Variants in KAT2B observed in about 807,000 individuals in gnomAD.
KAT2B encodes lysine acetyltransferase 2B.
KAT2B carries 36 observed loss-of-function variants against 105.9 expected under a neutral mutation model. That is an observed-to-expected ratio of 0.34 (90% CI 0.26 to 0.45). The LOEUF is 0.45. KAT2B is among the 20% of genes least tolerant of loss of function. The pLI is 1.00. For synonymous variants in KAT2B, 397 were observed against 377.9 expected (o/e 1.05, Z -0.59); for missense variants, 820 against 1,021.6 (o/e 0.80, Z 2.69).
chr3:20,150,628 TCA>T (rs1226814980), intron 17 of KAT2B, among the ~76,000 whole-genome samples: 1 of 152,156 alleles, frequency 6.6e-6, no homozygotes. Context: ...TTAACCCACC[TCA>T]TTTTGTCAAT....
chr3:20,111,233 T>C (rs1699115378), intron 5 of KAT2B, among the ~76,000 whole-genome samples: 1 of 152,188 alleles, frequency 6.6e-6, no homozygotes, highest in Non-Finnish European at 1.5e-5. Flanking sequence ...GAAGTAGGTA[T>C]TATTGTTGTC....
intron 11 of KAT2B, among the ~76,000 whole-genome samples, chr3:20,134,884 T>C (rs1388837609): frequency 6.6e-6 from 1 of 152,234 alleles, no homozygotes; most frequent in Non-Finnish European, 1.5e-5. Flanking sequence ...TTTTTTTTAC[T>C]TAATATGTCT....
chr3:20,126,837 A>AAAC (rs1699413480), intron 10 of KAT2B, among the ~76,000 whole-genome samples: 1 of 151,500 alleles, frequency 6.6e-6, no homozygotes, highest in African/African-American at 2.4e-5. Context: ...AAAAAAAAAA[A>AAAC]AAACCCACGA....
chr3:20,095,131 A>C (rs759404912), intron 2 of KAT2B, 132 bp from the exon 3 acceptor site: 2 of 665,862 alleles, frequency 3.0e-6, no homozygotes, highest in African/African-American at 1.8e-5. Flanking sequence ...GGAGTTCAGA[A>C]ATTTTCTCTT....
At chr3:20,151,404 A>T (rs1327283335) in intron 17 of KAT2B, among the ~76,000 whole-genome samples, 7 of 151,572 alleles carry the variant, frequency 4.6e-5, no homozygotes, top group Non-Finnish European at 5.9e-5. Flanking sequence ...AAATTTTATA[A>T]CATACTTATA....
chr3:20,145,337 A>G (rs114389142), intron 13 of KAT2B, among the ~76,000 whole-genome samples: 148 of 152,314 alleles, frequency 9.7e-4, no homozygotes, highest in African/African-American at 3.5e-3. Context: ...TACTAGGAAT[A>G]TACTTTTACT....
At chr3:20,092,037 G>C (rs1310165234) in intron 2 of KAT2B, among the ~76,000 whole-genome samples, 3 of 152,002 alleles carry the variant, frequency 2.0e-5, no homozygotes, top group African/African-American at 7.3e-5. Flanking sequence ...AGAAGAATGT[G>C]TATTCTACTC....
chr3:20,056,725 A>G (rs946476666), intron 1 of KAT2B, among the ~76,000 whole-genome samples: 5 of 152,204 alleles, frequency 3.3e-5, no homozygotes, highest in Admixed American at 6.5e-5. Flanking sequence ...GACTGAATCC[A>G]TTTGATAATA....
rs774435018 is a variant in KAT2B, at chr3:20,148,230, TTTTCC to T, written c.2157-8_2157-4del. The T allele has an allele frequency of 3.1e-6, 5 of 1,610,108 alleles. No individual in the cohort carries two copies. Among genetic ancestry groups the T allele is most frequent in the Non-Finnish European group, 3.4e-6 (4 of 1,176,768 alleles). On this transcript the variant is annotated splice_region_variant and splice_polypyrimidine_tract_variant and intron_variant, in intron 15 of 17. Coordinates refer to ENST00000263754, the MANE Select transcript of KAT2B (RefSeq NM_003884.5). The stretch of plus-strand genomic sequence containing the variant: ...TCTAATCATTGCTCCTTGTTTCCCT[TTTTCC>T]TTTCAAGTAAAGAGCCCAGAGACCC...
intron 1 of KAT2B, among the ~76,000 whole-genome samples, chr3:20,064,276 T>C (rs1161942292): frequency 6.6e-6 from 1 of 152,232 alleles, no homozygotes; most frequent in Non-Finnish European, 1.5e-5. Context: ...GAAACATGTA[T>C]ACATTGTGTA....
At position 20,101,454 on chromosome 3, in the gene KAT2B, A is replaced by G. The variant is rs1423150053; in HGVS notation, c.837A>G (p.Lys279=). ...CCAATGATGATATTTCTGGATACAA[A>G]GAGAACTACACAAGGTAATCAGATG... ...RSPNDDISGY[K]ENYTRWLCYC... is the part of the protein sequence containing the mutation. Residue 279 remains lysine (K), a synonymous_variant, in exon 5 of 18, where the codon AAA becomes AAG. Transcript: ENST00000263754. 2.5e-6 allele frequency: 4 copies of G among 1,613,992 alleles called. No individual in the cohort carries two copies. The highest frequency in any genetic ancestry group is 3.4e-6 in the Non-Finnish European group (4 of 1,179,918).
intron 3 of KAT2B, among the ~76,000 whole-genome samples, 181 bp from the exon 4 acceptor site, chr3:20,099,681 T>C (rs560176854): frequency 3.7e-4 from 57 of 152,250 alleles, no homozygotes; most frequent in African/African-American, 1.0e-3. Flanking sequence ...CCCATTTTAT[T>C]GACTTAAGGA....
At chr3:20,062,226 AAAT>A (rs1442501152) in intron 1 of KAT2B, among the ~76,000 whole-genome samples, 20 of 48,574 alleles carry the variant, frequency 4.1e-4, no homozygotes, top group African/African-American at 1.0e-3. Flanking sequence ...TTATATATAA[AAAT>A]ATATATAAAA....
intron 1 of KAT2B, among the ~76,000 whole-genome samples, chr3:20,065,953 TC>T (rs1698216566): frequency 6.6e-6 from 1 of 152,190 alleles, no homozygotes; most frequent in South Asian, 2.1e-4. Context: ...TGTATTAGTT[TC>T]TTAGGCCTGT....
chr3:20,095,121 G>A, intron 2 of KAT2B, 142 bp from the exon 3 acceptor site: 1 of 624,614 alleles, frequency 1.6e-6, no homozygotes, highest in Non-Finnish European at 2.8e-6. Flanking sequence ...CAGTCCTACA[G>A]GAGTTCAGAA....
At chr3:20,128,665 C>T (rs1412751195) in intron 11 of KAT2B, among the ~76,000 whole-genome samples, 1 of 152,088 alleles carries the variant, frequency 6.6e-6, no homozygotes, top group Non-Finnish European at 1.5e-5. Context: ...TTGTCCTGTT[C>T]TACTTTCTTG....
intron 1 of KAT2B, among the ~76,000 whole-genome samples, chr3:20,069,348 G>A (rs931805698): frequency 6.6e-6 from 1 of 152,056 alleles, no homozygotes; most frequent in Non-Finnish European, 1.5e-5. Flanking sequence ...TTTTAGCAAG[G>A]TTTGTTATGT....
chr3:20,122,717 AC>A lies in KAT2B; in HGVS notation c.1330del (p.Arg444GlufsTer10), dbSNP rs1699331991. 1 of 1,613,922 alleles carries A rather than the reference AC, an allele frequency of 6.2e-7. No individual in the cohort carries two copies. The highest frequency in any genetic ancestry group is 1.3e-5 in the African/African-American group (1 of 74,908). ...DSHVLEEAKK[P>X]RVMGDIPMEL... ...CTCATGTTCTGGAGGAGGCCAAGAA[AC>A]CCCGAGTTATGGGGGATATTCCGAT... is the stretch of plus-strand genomic sequence containing the variant. On this transcript the variant is annotated frameshift_variant, in exon 9 of 18. Coordinates refer to ENST00000263754, the MANE Select transcript of KAT2B (RefSeq NM_003884.5). LOFTEE classifies it high-confidence loss of function.
intron 10 of KAT2B, 25 bp downstream of exon 10, chr3:20,126,138 T>G: frequency 6.5e-7 from 1 of 1,536,600 alleles, no homozygotes; most frequent in Non-Finnish European, 8.8e-7. Context: ...CTGTTCCTTC[T>G]TCCTTATTTC....
Sources: gnomAD v4.1 joint callset for allele counts (sites outside exome capture counted in the v4.1 genomes callset) on GRCh38, gnomAD v4.1.1 for gene constraint, MANE v1.5 for transcripts, NCBI Gene and HGNC (gene_info 2026-07-23, HGNC 2026-07-21) for gene names.